Variants in NRXN1 observed in about 807,000 individuals in gnomAD.
NRXN1 encodes the protein neurexin-1.
NRXN1 carries 39 observed loss-of-function variants against 150.9 expected under a neutral mutation model. The observed-to-expected ratio is 0.26, with a 90% CI of 0.20 to 0.34. The LOEUF is 0.34. NRXN1 is among the 10% of genes least tolerant of loss of function. The pLI, the probability that NRXN1 is intolerant of heterozygous loss-of-function variation, is 1.00. For synonymous variants in NRXN1, 924 were observed against 757.0 expected, an observed-to-expected ratio of 1.22 and a Z score of -3.62; for missense variants, 1,815 against 1,949.9, an observed-to-expected ratio of 0.93 and a Z score of 1.30.
intron 5 of NRXN1, among the ~76,000 whole-genome samples, chr2:50,895,825 C>G (rs56959214): frequency 1.2e-4 from 18 of 151,968 alleles, no homozygotes; most frequent in Non-Finnish European, 2.4e-4. Flanking sequence ...AGTAATCCAC[C>G]CTCATCAGCC....
intron 5 of NRXN1, among the ~76,000 whole-genome samples, chr2:50,713,679 C>T (rs1189148428): frequency 1.3e-5 from 2 of 152,006 alleles, no homozygotes; most frequent in Non-Finnish European, 2.9e-5. Flanking sequence ...TCCAAATGTA[C>T]TTCGCAAACA....
intron 8 of NRXN1, among the ~76,000 whole-genome samples, chr2:50,600,790 A>G (rs1676140823): frequency 6.6e-6 from 1 of 152,240 alleles, no homozygotes; most frequent in South Asian, 2.1e-4. Flanking sequence ...ATGACAGACA[A>G]GAAAGTCAAG....
intron 17 of NRXN1, among the ~76,000 whole-genome samples, chr2:50,300,876 A>G (rs1229778665): frequency 1.3e-5 from 2 of 151,972 alleles, no homozygotes; most frequent in African/African-American, 4.8e-5. Context: ...TTGTCTTTGT[A>G]TTAGAGAGGG....
In NRXN1 at chr2:50,278,306, T is replaced by A. The variant is rs1302552651; in HGVS notation, c.3365-41336A>T. Among the ~76,000 whole-genome samples, 114 of 86,180 alleles carry A rather than the reference T, an allele frequency of 1.3e-3. 1 individual carries two copies. The highest frequency in any genetic ancestry group is 4.7e-3 in the African/African-American group (100 of 21,470). 56.5% of individuals were successfully genotyped at this position (86,180 alleles called of 152,430 possible). Reference sequence around the variant, plus strand: ...ATATAATACATATATAATATATATTTTATATATATATTATATATATATATA... The same window carrying A: ...ATATAATACATATATAATATATATTATATATATATATTATATATATATATA... On this transcript the variant is annotated intron_variant, in intron 17 of 22. Coordinates refer to ENST00000401669, the MANE Select transcript of NRXN1 (RefSeq NM_001330078.2).
chr2:50,456,539 A>T (rs2104573684), intron 17 of NRXN1, among the ~76,000 whole-genome samples: 1 of 152,222 alleles, frequency 6.6e-6, no homozygotes, highest in East Asian at 1.9e-4. Context: ...AAAGACACAG[A>T]ATGCTTTGTT....
intron 21 of NRXN1, among the ~76,000 whole-genome samples, chr2:49,946,617 C>T (rs1050026205): frequency 6.6e-6 from 1 of 152,086 alleles, no homozygotes; most frequent in African/African-American, 2.4e-5. Flanking sequence ...CCAGTTTTCC[C>T]AACACCATTT....
chr2:50,458,176 G>C (rs1380050183), intron 17 of NRXN1, among the ~76,000 whole-genome samples: 1 of 152,048 alleles, frequency 6.6e-6, no homozygotes, highest in Non-Finnish European at 1.5e-5. Flanking sequence ...AAACAAGCCA[G>C]GCTCAGAAAG....
intron 12 of NRXN1, among the ~76,000 whole-genome samples, chr2:50,513,692 TAGAG>T (rs1018668488): frequency 6.6e-6 from 1 of 151,602 alleles, no homozygotes; most frequent in Non-Finnish European, 1.5e-5. Flanking sequence ...TGAAGAGAAA[TAGAG>T]AAGAATAAAA....
At chr2:50,918,327 T>A (rs1685506410) in intron 5 of NRXN1, 1 of 236,290 alleles carries the variant, frequency 4.2e-6, no homozygotes, top group Non-Finnish European at 8.1e-6. Context: ...AATCGCAAAT[T>A]CAAGATACAA....
intron 8 of NRXN1, among the ~76,000 whole-genome samples, chr2:50,574,719 T>G (rs547045982): frequency 1.3e-5 from 2 of 152,214 alleles, no homozygotes; most frequent in Admixed American, 1.3e-4. Context: ...CTGTCAGGAT[T>G]TGCATTGACA....
rs1217220661 is a variant in NRXN1, at chr2:51,028,373, G to A, written c.-100C>T. 2.5e-6 allele frequency: 2 copies of A among 789,286 alleles called. No homozygotes were observed. The highest frequency in any genetic ancestry group is 3.7e-6 in the Non-Finnish European group (2 of 541,144). 48.9% of individuals were successfully genotyped at this position (789,286 alleles called of 1,614,324 possible). ...AATAAGGGTCCCGAGAGACAGAAAG[G>A]TAAGGGGAAAGGCGGGAGTGAGAGG... On this transcript the variant is annotated 5_prime_UTR_variant, in exon 2 of 23. Transcript: ENST00000401669.
At chr2:50,059,176 G>T (rs149860152) in intron 19 of NRXN1, among the ~76,000 whole-genome samples, 6 of 152,130 alleles carry the variant, frequency 3.9e-5, no homozygotes, top group African/African-American at 1.4e-4. Flanking sequence ...GGCTGAGGTG[G>T]TCTCAGATGG....
chr2:50,983,320 T>A (rs907104388), intron 2 of NRXN1, among the ~76,000 whole-genome samples: 4 of 152,096 alleles, frequency 2.6e-5, no homozygotes, highest in African/African-American at 9.7e-5. Flanking sequence ...GAAAAATCAA[T>A]TTATTTCCTT....
chr2:50,834,947 C>G (rs903545819), intron 5 of NRXN1, among the ~76,000 whole-genome samples: 1 of 152,150 alleles, frequency 6.6e-6, no homozygotes, highest in Non-Finnish European at 1.5e-5. Flanking sequence ...ACTTTTGTGT[C>G]ATCCCTCTTT....
chr2:50,232,629 C>T (rs2065054096), intron 18 of NRXN1, among the ~76,000 whole-genome samples: 1 of 151,902 alleles, frequency 6.6e-6, no homozygotes, highest in South Asian at 2.1e-4. Flanking sequence ...TTGTGATCTG[C>T]CAGCCTTGGC....
At chr2:51,004,534 G>C (rs559871652) in intron 2 of NRXN1, among the ~76,000 whole-genome samples, 1 of 151,846 alleles carries the variant, frequency 6.6e-6, no homozygotes, top group Non-Finnish European at 1.5e-5. Context: ...ATAAGCATTT[G>C]TAGGAGGCTG....
chr2:50,451,732 T>C (rs2086985044), intron 17 of NRXN1, among the ~76,000 whole-genome samples: 1 of 152,230 alleles, frequency 6.6e-6, no homozygotes, highest in Non-Finnish European at 1.5e-5. Flanking sequence ...AAATGGAATT[T>C]GAAATGAGTT....
chr2:50,155,408 C>A (rs1395421731), intron 18 of NRXN1, among the ~76,000 whole-genome samples: 1 of 149,482 alleles, frequency 6.7e-6, no homozygotes, highest in Non-Finnish European at 1.5e-5. Flanking sequence ...AATACAAAAT[C>A]TGCTACCCAA....
rs529277898 is a variant in NRXN1 at position 50,347,728 on chromosome 2, CAGAAAA to C, written c.3365-110764_3365-110759del. ...CAGACGAAGGAGTAAGGGAGAGAAA[CAGAAAA>C]AGAAAAAGAAAAAGAAAAAAAGAAA... is the stretch of plus-strand genomic sequence containing the variant. On this transcript the variant is annotated intron_variant, in intron 17 of 22. Coordinates refer to ENST00000401669, the MANE Select transcript of NRXN1 (RefSeq NM_001330078.2). The surrounding 1 kb of genome is among the most constrained non-coding windows in gnomAD (Gnocchi z 4.9). 48 of 986,150 alleles carry C rather than the reference CAGAAAA, an allele frequency of 4.9e-5. 1 individual carries two copies. Among genetic ancestry groups the C allele is most frequent in the Middle Eastern group, 5.2e-4 (1 of 1,922 alleles). The allele number at this position is 986,150 out of a possible 1,614,324, so 61.1% of individuals were successfully genotyped here. A position where few individuals can be genotyped will look rare whatever the true frequency, so the allele number is the denominator to read the frequency against.
Sources: allele counts gnomAD v4.1 joint callset (sites outside exome capture counted in the v4.1 genomes callset), GRCh38; gene constraint gnomAD v4.1.1; non-coding constraint Gnocchi (gnomAD v3.1); transcripts MANE v1.5; gene names NCBI Gene and HGNC (gene_info 2026-07-23, HGNC 2026-07-21).